Variants in SAXO1 observed in about 807,000 individuals in gnomAD.
SAXO1 encodes stabilizer of axonemal microtubules 1.
A neutral mutation model predicts 17.5 loss-of-function variants in SAXO1; 21 were observed. The ratio of observed to expected loss-of-function variants is 1.20; its 90% CI spans 0.85 to 1.72. The LOEUF (loss-of-function observed/expected upper bound fraction) is 1.72. SAXO1 is among the 40% of genes most tolerant of loss of function. The pLI, the probability that SAXO1 is intolerant of heterozygous loss-of-function variation, is 0.00. For synonymous variants in SAXO1, 274 were observed against 216.5 expected, an observed-to-expected ratio of 1.27 and a Z score of -2.33; for missense variants, 843 against 596.0, an observed-to-expected ratio of 1.41 and a Z score of -4.32.
At position 18,943,160 on chromosome 9, in the gene SAXO1, A is replaced by G. The variant is rs146772917; in HGVS notation, c.219-1321T>C. Among the ~76,000 whole-genome samples, 65 of 152,322 alleles carry G rather than the reference A, an allele frequency of 4.3e-4. No individual in the cohort carries two copies. The East Asian group carries it at 0.012, about 28-fold the overall frequency. ...TCCTGAAAATGCTTAGTGGGATGGG[A>G]GAAGGAAGTTAGGAAGCAGGAGAAT... On this transcript the variant is annotated intron_variant, in intron 2 of 3. Transcript: ENST00000380534.
At chr9:18,952,245 C>A (rs1351480285) in intron 1 of SAXO1, among the ~76,000 whole-genome samples, 1 of 152,186 alleles carries the variant, frequency 6.6e-6, no homozygotes, top group Non-Finnish European at 1.5e-5. Context: ...TCCAACTTAG[C>A]TACCTTCATG....
At chr9:18,954,286 T>G (rs150293490) in intron 1 of SAXO1, among the ~76,000 whole-genome samples, 62 of 152,288 alleles carry the variant, frequency 4.1e-4, no homozygotes, top group Middle Eastern at 6.8e-3. Flanking sequence ...TTCTGTTAAT[T>G]GTTAATAAAT....
At chr9:19,012,517 C>T (rs75588142) in intron 1 of SAXO1, among the ~76,000 whole-genome samples, 1 of 152,268 alleles carries the variant, frequency 6.6e-6, no homozygotes, top group East Asian at 1.9e-4. Context: ...GTGGCACGAA[C>T]CATATGGGGG....
At chr9:18,969,850 G>T (rs953385755) in intron 1 of SAXO1, among the ~76,000 whole-genome samples, 4 of 152,240 alleles carry the variant, frequency 2.6e-5, no homozygotes, top group African/African-American at 9.6e-5. Flanking sequence ...TATCCCAGAT[G>T]AGGAAGCAAG....
At chr9:19,026,103 T>C (rs1484802977) in intron 1 of SAXO1, among the ~76,000 whole-genome samples, 1 of 152,150 alleles carries the variant, frequency 6.6e-6, no homozygotes, top group Non-Finnish European at 1.5e-5. Context: ...TAGAAGATTA[T>C]TTGTAAGCTT....
chr9:18,944,013 C>T (rs986462491), intron 2 of SAXO1, among the ~76,000 whole-genome samples: 4 of 152,234 alleles, frequency 2.6e-5, no homozygotes, highest in African/African-American at 7.2e-5. Flanking sequence ...GCGCATCTCC[C>T]ACGGCTTCTA....
chr9:18,966,116 T>C (rs1832705829), intron 1 of SAXO1, among the ~76,000 whole-genome samples: 1 of 152,242 alleles, frequency 6.6e-6, no homozygotes, highest in Admixed American at 6.5e-5. Flanking sequence ...GATCTGCTGT[T>C]AGTCTGATGG....
chr9:18,996,818 T>C (rs935839666), intron 1 of SAXO1, among the ~76,000 whole-genome samples: 4 of 151,936 alleles, frequency 2.6e-5, no homozygotes, highest in African/African-American at 9.7e-5. Context: ...CTATTCAACA[T>C]AGTATTTAAA....
intron 1 of SAXO1, among the ~76,000 whole-genome samples, chr9:18,966,892 A>C (rs1832741182): frequency 6.6e-6 from 1 of 152,044 alleles, no homozygotes; most frequent in South Asian, 2.1e-4. Context: ...ATCTACCTTT[A>C]ATCTTTGATG....
At chr9:18,963,426 C>G in intron 1 of SAXO1, among the ~76,000 whole-genome samples, 1 of 152,192 alleles carries the variant, frequency 6.6e-6, no homozygotes, top group East Asian at 1.9e-4. Context: ...CTGATTCTTC[C>G]TATCCATGAG....
intron 3 of SAXO1, among the ~76,000 whole-genome samples, chr9:18,940,386 A>C (rs1430417119): frequency 6.6e-6 from 1 of 152,240 alleles, no homozygotes; most frequent in Admixed American, 6.5e-5. Flanking sequence ...AAAGAAAATA[A>C]AAGGGCAGAG....
intron 1 of SAXO1, among the ~76,000 whole-genome samples, chr9:19,007,019 T>C (rs932556295): frequency 6.6e-6 from 1 of 151,230 alleles, no homozygotes; most frequent in Admixed American, 6.6e-5. Flanking sequence ...CACTCCAGCC[T>C]GGGTAACACA....
intron 1 of SAXO1, among the ~76,000 whole-genome samples, chr9:18,977,227 C>T (rs1260616462): frequency 6.6e-6 from 1 of 152,200 alleles, no homozygotes; most frequent in Non-Finnish European, 1.5e-5. Flanking sequence ...TACAAAACCT[C>T]AACTGAAAAC....
intron 1 of SAXO1, among the ~76,000 whole-genome samples, chr9:19,024,768 C>T (rs1414084493): frequency 6.6e-6 from 1 of 151,976 alleles, no homozygotes; most frequent in Non-Finnish European, 1.5e-5. Context: ...TCTCATTCAT[C>T]TAAGGGTAGC....
intron 1 of SAXO1, among the ~76,000 whole-genome samples, chr9:18,980,781 G>GAAAAAAAAAAAAAA (rs10640487): frequency 1.2e-5 from 1 of 83,908 alleles, no homozygotes; most frequent in African/African-American, 5.3e-5. Flanking sequence ...TTAAAAAACT[G>GAAAAAAAAAAAAAA]AAAAAAAAAA....
intron 1 of SAXO1, among the ~76,000 whole-genome samples, chr9:19,005,086 A>C (rs1235673909): frequency 6.6e-6 from 1 of 152,202 alleles, no homozygotes; most frequent in African/African-American, 2.4e-5. Context: ...AGGAAGTGAA[A>C]GACTTTCACA....
intron 2 of SAXO1, among the ~76,000 whole-genome samples, chr9:18,943,432 C>A (rs950867178): frequency 3.3e-5 from 5 of 152,180 alleles, no homozygotes; most frequent in African/African-American, 1.2e-4. Flanking sequence ...TCTCAGTGAG[C>A]AAGTACTACA....
chr9:19,032,788 GAA>G, intron 1 of SAXO1, 81 bp downstream of exon 1: 3 of 1,490,330 alleles, frequency 2.0e-6, no homozygotes, highest in Middle Eastern at 1.7e-4. Flanking sequence ...GCCGCCTGAT[GAA>G]GCAGCTGGGG....
At chr9:19,017,046 T>G (rs4130084) in intron 1 of SAXO1, among the ~76,000 whole-genome samples, 1 of 151,880 alleles carries the variant, frequency 6.6e-6, no homozygotes, top group African/African-American at 2.4e-5. Context: ...TGGTGGCTCA[T>G]GCCTGTACTC....
Sources: allele counts gnomAD v4.1 joint callset (sites outside exome capture counted in the v4.1 genomes callset), GRCh38; gene constraint gnomAD v4.1.1; transcripts MANE v1.5; gene names NCBI Gene and HGNC (gene_info 2026-07-23, HGNC 2026-07-21).